SMIM13: variants seen among roughly 807,000 people sequenced by gnomAD.
The protein encoded by SMIM13 is small integral membrane protein 13, also known as UPF0766 protein C6orf228.
Under a neutral mutation model 5.9 loss-of-function variants are expected in SMIM13, and 3 were observed. The observed-to-expected ratio is 0.51, with a 90% confidence interval of 0.23 to 1.31. The LOEUF (loss-of-function observed/expected upper bound fraction) is 1.31. Among genes scored for constraint, SMIM13 ranks in the 40% most tolerant of loss-of-function variants. The pLI, the probability that SMIM13 is intolerant of heterozygous loss-of-function variation, is 0.18. For synonymous variants in SMIM13, 55 were observed against 46.0 expected, an observed-to-expected ratio of 1.19 and a Z score of -0.79; for missense variants, 85 against 109.9, an observed-to-expected ratio of 0.77 and a Z score of 1.01.
intron 1 of SMIM13, chr6:11,104,507 G>T (rs780448839): frequency 6.4e-7 from 1 of 1,560,266 alleles, no homozygotes; most frequent in South Asian, 1.2e-5. Context: ...CTGCTGATAT[G>T]CCCAGGTAGC....
Position 11,136,895 on chromosome 6 carries a change from A to G in SMIM13, c.*2293A>G, listed in dbSNP as rs565124505. ...GGAGGATATTTAAATTAGATTTTTC[A>G]TAGTCTATTGTTTTGAACTATGGAT... On this transcript the variant is annotated 3_prime_UTR_variant, in exon 2 of 2. Coordinates refer to ENST00000416247, the MANE Select transcript of SMIM13 (RefSeq NM_001135575.2). 5.9e-5 allele frequency: 9 copies of G among 152,148 alleles called. No individual in the cohort carries two copies. The East Asian group carries it at 1.5e-3, about 26-fold the overall frequency. The allele number at this position is 152,148 out of a possible 1,614,324, so 9.4% of individuals were successfully genotyped here. A position where few individuals can be genotyped will look rare whatever the true frequency, so the allele number is the denominator to read the frequency against.
At chr6:11,118,494 A>G (rs1463481702) in intron 1 of SMIM13, among the ~76,000 whole-genome samples, 3 of 152,246 alleles carry the variant, frequency 2.0e-5, no homozygotes, top group African/African-American at 4.8e-5. Context: ...ACTTTAAGGC[A>G]TAGTGAACAC....
In SMIM13 at chr6:11,094,361, G is replaced by A. The variant is rs1382419110; in HGVS notation, c.48G>A (p.Leu16=). Residue 16 remains leucine, a synonymous_variant, in exon 1 of 2, where the codon CTG becomes CTA. Coordinates refer to ENST00000416247, the MANE Select transcript of SMIM13 (RefSeq NM_001135575.2). The part of the protein sequence containing the change: ...GLTLLVFVAT[L]LIVLLLMVCG... The stretch of plus-strand genomic sequence containing the variant: ...CTCTGCTTGTGTTCGTGGCCACGCT[G>A]CTGATCGTCCTGCTGCTGATGGTGT... 2 of 1,537,882 alleles carry A rather than the reference G, an allele frequency of 1.3e-6. No individual in the cohort carries two copies. Among genetic ancestry groups the A allele is most frequent in the Middle Eastern group, 1.8e-4 (1 of 5,674 alleles).
intron 1 of SMIM13, among the ~76,000 whole-genome samples, chr6:11,095,388 A>G (rs1757911011): frequency 6.6e-6 from 1 of 152,152 alleles, no homozygotes; most frequent in South Asian, 2.1e-4. Context: ...TTGCCCAGGC[A>G]GGAGTGCAAT....
chr6:11,116,289 G>A (rs1758239844), intron 1 of SMIM13, among the ~76,000 whole-genome samples: 1 of 152,198 alleles, frequency 6.6e-6, no homozygotes, highest in Non-Finnish European at 1.5e-5. Flanking sequence ...AAAGTGCTGG[G>A]ATTATAGGCA....
intron 1 of SMIM13, among the ~76,000 whole-genome samples, chr6:11,122,845 G>A (rs1758328275): frequency 6.6e-6 from 1 of 152,110 alleles, no homozygotes; most frequent in Non-Finnish European, 1.5e-5. Context: ...TCTAATAAAG[G>A]TAGAGGAGAT....
In SMIM13 at chr6:11,135,024, T is replaced by C. The variant is rs72825156; in HGVS notation, c.*422T>C. ...GTAACGCTCCTACCGTGTGCATGTG[T>C]GAATTTACAGCTTGTCATCGTGTCA... On this transcript the variant is annotated 3_prime_UTR_variant, in exon 2 of 2. Transcript: ENST00000416247. The C allele has an allele frequency of 0.028, 4,308 of 153,108 alleles. 76 individuals are homozygous for C. The highest frequency in any genetic ancestry group is 0.073 in the South Asian group (353 of 4,834). The allele number at this position is 153,108 out of a possible 1,614,324, so 9.5% of individuals were successfully genotyped here.
At position 11,134,509 on chromosome 6, in the gene SMIM13, A is replaced by G. The variant is rs1305430515; in HGVS notation, c.183A>G (p.Glu61=). The part of the protein sequence containing the change: ...QEGDHEPSGS[E]TEEDTSSSPH... ...GAGATCATGAGCCTTCAGGGTCTGA[A>G]ACTGAAGAAGACACTTCCTCCTCTC... Residue 61 remains glutamate, a synonymous_variant, in exon 2 of 2, where the codon GAA becomes GAG. Coordinates refer to ENST00000416247, the MANE Select transcript of SMIM13 (RefSeq NM_001135575.2). 1 of 1,551,194 alleles carries G rather than the reference A, an allele frequency of 6.4e-7. No homozygotes were observed. Among genetic ancestry groups the G allele is most frequent in the South Asian group, 1.2e-5 (1 of 84,040 alleles).
intron 1 of SMIM13, among the ~76,000 whole-genome samples, chr6:11,106,602 A>G (rs12200932): frequency 0.11 from 17,454 of 152,224 alleles, 1,391 homozygotes; most frequent in Non-Finnish European, 0.18. Context: ...TTTCTTTTCA[A>G]TACCCATGTT....
At chr6:11,117,132 A>G (rs887063331) in intron 1 of SMIM13, among the ~76,000 whole-genome samples, 4 of 146,676 alleles carry the variant, frequency 2.7e-5, no homozygotes, top group South Asian at 4.3e-4. Context: ...CTGGTACCGC[A>G]GGTGCCTGCC....
At chr6:11,096,136 C>T (rs913728939) in intron 1 of SMIM13, among the ~76,000 whole-genome samples, 3 of 152,168 alleles carry the variant, frequency 2.0e-5, no homozygotes, top group East Asian at 1.9e-4. Flanking sequence ...GGACAGCAGT[C>T]CCCAACCTTT....
intron 1 of SMIM13, among the ~76,000 whole-genome samples, chr6:11,127,258 A>G (rs761672602): frequency 1.2e-4 from 18 of 152,324 alleles, no homozygotes; most frequent in Middle Eastern, 6.8e-3. Context: ...TGGGAGCCAG[A>G]GCCAGGAGTT....
chr6:11,125,421 C>T (rs971759744), intron 1 of SMIM13, among the ~76,000 whole-genome samples: 2 of 151,540 alleles, frequency 1.3e-5, no homozygotes, highest in African/African-American at 4.9e-5. Context: ...CATGGTGAAA[C>T]CCCGTCTCTA....
At chr6:11,112,630 C>G (rs35199324) in intron 1 of SMIM13, among the ~76,000 whole-genome samples, 2 of 152,032 alleles carry the variant, frequency 1.3e-5, no homozygotes, top group African/African-American at 4.8e-5. Context: ...TGTTTGACTT[C>G]TTTCTGCTAG....
intron 1 of SMIM13, among the ~76,000 whole-genome samples, chr6:11,111,441 G>A (rs547480003): frequency 2.7e-4 from 41 of 152,198 alleles, no homozygotes; most frequent in South Asian, 2.1e-3. Flanking sequence ...CCTCCTGTCT[G>A]GGGGGGCCAT....
intron 1 of SMIM13, among the ~76,000 whole-genome samples, chr6:11,129,757 T>C (rs1413308207): frequency 6.6e-6 from 1 of 152,196 alleles, no homozygotes; most frequent in Non-Finnish European, 1.5e-5. Context: ...ATTCAGGTAG[T>C]GTGATGCCTC....
chr6:11,133,546 C>A (rs886258515), intron 1 of SMIM13, among the ~76,000 whole-genome samples: 2 of 152,124 alleles, frequency 1.3e-5, no homozygotes, highest in Non-Finnish European at 2.9e-5. Flanking sequence ...AAGTAGACAG[C>A]ATCAAGAAAA....
chr6:11,105,057 A>G (rs1758064309), intron 1 of SMIM13: 2 of 1,614,084 alleles, frequency 1.2e-6, no homozygotes, highest in Non-Finnish European at 1.7e-6. Context: ...AGGCCTCATC[A>G]GTCCTTTCAG....
intron 1 of SMIM13, among the ~76,000 whole-genome samples, chr6:11,108,051 G>C (rs1758113051): frequency 6.6e-6 from 1 of 152,150 alleles, no homozygotes; most frequent in African/African-American, 2.4e-5. Context: ...TTGAAAAAGG[G>C]GGTGTTGGCC....
Sources: gnomAD v4.1 joint callset for allele counts (sites outside exome capture counted in the v4.1 genomes callset) on GRCh38, gnomAD v4.1.1 for gene constraint, MANE v1.5 for transcripts, NCBI Gene and HGNC (gene_info 2026-07-23, HGNC 2026-07-21) for gene names.